The following GARIN1B variants were observed in gnomAD, a reference collection of about 807,000 sequenced individuals.
GARIN1B encodes the protein Golgi-associated RAB2 interactor protein 1B.
the GARIN1B span, among the ~76,000 whole-genome samples, chr7:128,711,017 C>A: frequency 6.6e-6 from 1 of 152,062 alleles, no homozygotes; most frequent in Non-Finnish European, 1.5e-5. Flanking sequence ...ATTTTGGTAT[C>A]TCTATATTTT....
chr7:128,730,688 C>A, the GARIN1B span, among the ~76,000 whole-genome samples: 1 of 152,074 alleles, frequency 6.6e-6, no homozygotes, highest in Non-Finnish European at 1.5e-5. Flanking sequence ...ACTCTATCAC[C>A]CAGGCTGGAG....
At chr7:128,714,988 C>T in the GARIN1B span, among the ~76,000 whole-genome samples, 1 of 152,294 alleles carries the variant, frequency 6.6e-6, no homozygotes, top group South Asian at 2.1e-4. Flanking sequence ...GTGTCGGGGG[C>T]CCACATGCTG....
At chr7:128,713,125 G>A in the GARIN1B span, among the ~76,000 whole-genome samples, 2 of 152,004 alleles carry the variant, frequency 1.3e-5, no homozygotes, top group Non-Finnish European at 2.9e-5. Flanking sequence ...TAGTAGAGAT[G>A]GTGAAACCCC....
At chr7:128,716,964 G>C in the GARIN1B span, 1 of 1,613,474 alleles carries the variant, frequency 6.2e-7, no homozygotes, top group Non-Finnish European at 8.5e-7. Flanking sequence ...ACATGGAACA[G>C]ACCATCCATA....
chr7:128,718,725 C>A, the GARIN1B span: 1 of 1,402,506 alleles, frequency 7.1e-7, no homozygotes, highest in Non-Finnish European at 9.7e-7. Flanking sequence ...CTCTTTTCTA[C>A]CTCCAAAAGC....
chr7:128,712,426 T>C, the GARIN1B span, among the ~76,000 whole-genome samples: 2 of 152,198 alleles, frequency 1.3e-5, no homozygotes, highest in Non-Finnish European at 2.9e-5. Context: ...TCCAGAACTT[T>C]TTCATCTTCC....
the GARIN1B span, among the ~76,000 whole-genome samples, chr7:128,721,524 AC>A: frequency 1.3e-5 from 2 of 152,258 alleles, no homozygotes; most frequent in Middle Eastern, 3.4e-3. Context: ...ACACACACAC[AC>A]ACACACTCAT....
chr7:128,715,566 T>C, the GARIN1B span: 1 of 1,614,134 alleles, frequency 6.2e-7, no homozygotes, highest in East Asian at 2.2e-5. Context: ...CTCTTGCCTG[T>C]GGATGGAGAG....
the GARIN1B span, among the ~76,000 whole-genome samples, chr7:128,721,512 C>CCACA: frequency 5.0e-3 from 756 of 149,960 alleles, 3 homozygotes; most frequent in Non-Finnish European, 5.2e-3. Context: ...CATACACACA[C>CCACA]CACACACACA....
the GARIN1B span, chr7:128,715,308 G>T: frequency 6.7e-7 from 1 of 1,483,054 alleles, no homozygotes; most frequent in Non-Finnish European, 8.9e-7. Flanking sequence ...GGTCTGTCCT[G>T]GTTTTTCATG....
chr7:128,715,335 A>G, the GARIN1B span: 2 of 1,525,994 alleles, frequency 1.3e-6, no homozygotes, highest in Non-Finnish European at 1.7e-6. Context: ...TCCATTCATC[A>G]TTGTGAGCTG....
At chr7:128,724,262 C>T in the GARIN1B span, among the ~76,000 whole-genome samples, 80 of 152,344 alleles carry the variant, frequency 5.3e-4, no homozygotes, top group African/African-American at 1.8e-3. Flanking sequence ...CCACCTGTCT[C>T]AGCCTCCCAA....
chr7:128,731,457 A>G, the GARIN1B span: 18 of 405,198 alleles, frequency 4.4e-5, no homozygotes, highest in East Asian at 5.3e-4. Context: ...GGTGGGAGAA[A>G]GTCAGCAGAT....
the GARIN1B span, among the ~76,000 whole-genome samples, chr7:128,712,686 A>T: frequency 6.6e-6 from 1 of 152,240 alleles, no homozygotes; most frequent in Non-Finnish European, 1.5e-5. Flanking sequence ...CAAAGTTTTC[A>T]TCACTAAAAG....
At chr7:128,714,401 A>T in the GARIN1B span, among the ~76,000 whole-genome samples, 3 of 151,776 alleles carry the variant, frequency 2.0e-5, no homozygotes, top group East Asian at 5.8e-4. Flanking sequence ...ACATGGAGAA[A>T]CCCTGTCTCT....
chr7:128,719,151 T>G, the GARIN1B span: 3 of 1,536,978 alleles, frequency 2.0e-6, no homozygotes, highest in South Asian at 1.2e-5. Flanking sequence ...ACCCAGCTGG[T>G]ATGTGAGTGC....
chr7:128,713,791 T>C, the GARIN1B span: 2 of 420,600 alleles, frequency 4.8e-6, no homozygotes, highest in Non-Finnish European at 8.8e-6. Flanking sequence ...CTTGGATGTC[T>C]CAGTGGCCAA....
chr7:128,725,389 T>C, the GARIN1B span, among the ~76,000 whole-genome samples: 1 of 151,422 alleles, frequency 6.6e-6, no homozygotes, highest in Non-Finnish European at 1.5e-5. Context: ...TTTTTCTTTC[T>C]TTTTTGAGAC....
chr7:128,715,994 C>T, the GARIN1B span, among the ~76,000 whole-genome samples: 4 of 152,152 alleles, frequency 2.6e-5, no homozygotes, highest in East Asian at 7.7e-4. Context: ...AGTAGATGAA[C>T]AAAGAGGCAG....
Sources: allele counts gnomAD v4.1 joint callset (sites outside exome capture counted in the v4.1 genomes callset), GRCh38; gene constraint gnomAD v4.1.1; transcripts MANE v1.5; gene names NCBI Gene and HGNC (gene_info 2026-07-23, HGNC 2026-07-21).